CLCN1: variants seen among roughly 807,000 people sequenced by gnomAD.
The protein encoded by CLCN1 is chloride channel protein 1.
CLCN1 carries 100 observed loss-of-function variants against 114.5 expected under a neutral mutation model. The ratio of observed to expected loss-of-function variants is 0.87; its 90% confidence interval spans 0.74 to 1.03. The LOEUF is 1.03. Among genes scored for constraint, CLCN1 ranks in the 50% least tolerant of loss-of-function variants. The pLI is 0.00. For missense variants in CLCN1, 1,188 were observed against 1,250.0 expected, an observed-to-expected ratio of 0.95 and a Z score of 0.75; for synonymous variants, 485 against 487.1, an observed-to-expected ratio of 1.00 and a Z score of 0.06.
intron 15 of CLCN1, 37 bp from the exon 16 acceptor site, chr7:143,342,335 C>T (rs73172425): frequency 0.012 from 19,211 of 1,611,044 alleles, 163 homozygotes; most frequent in Non-Finnish European, 0.013. Context: ...GATAGGTATA[C>T]GGTGGGGCTA....
In CLCN1 at chr7:143,321,992, G is replaced by T. The variant is rs945238759; in HGVS notation, c.696+144G>T. On this transcript the variant is annotated intron_variant, in intron 5 of 22. Transcript: ENST00000343257. The surrounding 1 kb of genome is among the most constrained non-coding windows in gnomAD (Gnocchi z 4.2). ...CCAGGGGACACTAGGAAGGGGAAAT[G>T]CTTTGGAAGTTCCTCCAACTGAGGT... 4.2e-6 allele frequency: 4 copies of T among 950,152 alleles called. No individual in the cohort carries two copies. The highest frequency in any genetic ancestry group is 6.2e-6 in the Non-Finnish European group (4 of 649,480). The allele number at this position is 950,152 out of a possible 1,614,324, so 58.9% of individuals were successfully genotyped here.
Position 143,341,895 on chromosome 7 carries a change from C to T in CLCN1, c.1583-34C>T, listed in dbSNP as rs773805078. On this transcript the variant is annotated intron_variant, in intron 14 of 22. Coordinates refer to ENST00000343257, the MANE Select transcript of CLCN1 (RefSeq NM_000083.3). ...TGTCCTTCATGCTAAGAACGGTAGCCCTAACCTACAGGCGTATTCCTGTGT... is the reference window on the plus strand; with the variant it reads ...TGTCCTTCATGCTAAGAACGGTAGCTCTAACCTACAGGCGTATTCCTGTGT... The T allele has an allele frequency of 2.6e-6, 4 of 1,564,312 alleles. No homozygotes were observed. In the East Asian group the frequency reaches 6.7e-5, roughly 26 times the overall value.
Position 143,339,756 on chromosome 7 carries a change from T to G in CLCN1, c.1582+135T>G. On this transcript the variant is annotated intron_variant, in intron 14 of 22. Coordinates refer to ENST00000343257, the MANE Select transcript of CLCN1 (RefSeq NM_000083.3). This position sits in a 1 kb window ranked among gnomAD's most constrained non-coding sequence, Gnocchi z 4.1. ...TAGTGCTACTTAACTCAACTTTTAC[T>G]CAGATAACATACCCATGGCTCTGAC... The G allele has an allele frequency of 1.4e-6, 1 of 700,006 alleles. No homozygotes were observed. Among genetic ancestry groups the G allele is most frequent in the Non-Finnish European group, 2.6e-6 (1 of 383,292 alleles). 43.4% of individuals were successfully genotyped at this position (700,006 alleles called of 1,614,324 possible).
rs1802523417 is a variant in CLCN1 at position 143,324,281 on chromosome 7, A to T, written c.775-133A>T. 4.5e-5 allele frequency: 33 copies of T among 738,768 alleles called. No homozygotes were observed. Among genetic ancestry groups the T allele is most frequent in the South Asian group, 4.1e-4 (28 of 68,992 alleles). 45.8% of individuals were successfully genotyped at this position (738,768 alleles called of 1,614,324 possible). A position where few individuals can be genotyped will look rare whatever the true frequency, so the allele number is the denominator to read the frequency against. ...TCTCTTGGCCTGGGAATCACAGGGG[A>T]CATGGGACCACAAGGACTCCTTTTG... On this transcript the variant is annotated intron_variant, in intron 6 of 22. Coordinates refer to ENST00000343257, the MANE Select transcript of CLCN1 (RefSeq NM_000083.3). This position sits in a 1 kb window ranked among gnomAD's most constrained non-coding sequence, Gnocchi z 4.6.
rs749024283 is a variant in CLCN1, at chr7:143,346,580, T to G, written c.2286T>G (p.Gly762=). 1.2e-6 allele frequency: 2 copies of G among 1,613,142 alleles called. No individual in the cohort carries two copies. Among genetic ancestry groups the G allele is most frequent in the South Asian group, 2.2e-5 (2 of 91,066 alleles). The part of the protein sequence containing the change: ...KQQPEAPEPA[G]QRPSIFQSLL... ...CCATCCACTCACCTGTCCTCTCAGGTCAAAGACCCTCCATCTTCCAGTCCC... is the reference window on the plus strand; with the variant it reads ...CCATCCACTCACCTGTCCTCTCAGGGCAAAGACCCTCCATCTTCCAGTCCC... The change falls in exon 19 of 23, where the codon GGT becomes GGG. Residue 762 remains glycine (G), a splice_region_variant and synonymous_variant. Transcript: ENST00000343257.
rs932535106 is a variant in CLCN1 at position 143,329,470 on chromosome 7, C to T, written c.854-1302C>T. Among the ~76,000 whole-genome samples, 6 of 152,316 alleles carry T rather than the reference C, an allele frequency of 3.9e-5. No individual in the cohort carries two copies. The South Asian group carries it at 1.2e-3, about 32-fold the overall frequency. On this transcript the variant is annotated intron_variant, in intron 7 of 22. Transcript: ENST00000343257. ...GAAATCCTCTGCCAAACTGTAGCAG[C>T]TGCTGCATTTGGGAGTAACCATTAG...
chr7:143,350,961 A>T lies in CLCN1; in HGVS notation c.2595+307A>T, dbSNP rs559728423. Among the ~76,000 whole-genome samples the T allele has an allele frequency of 6.6e-6, 1 of 152,136 alleles. No homozygotes were observed. The highest frequency in any genetic ancestry group is 1.5e-5 in the Non-Finnish European group (1 of 68,026). ...CCCGCTAATTTTTTGTATTTTTAGT[A>T]GAGACGGGGTTTTGCCATGTTGGGC... On this transcript the variant is annotated intron_variant, in intron 22 of 22. Transcript: ENST00000343257. This position sits in a 1 kb window ranked among gnomAD's most constrained non-coding sequence, Gnocchi z 5.1.
At chr7:143,336,886 G>T (rs919747937) in intron 12 of CLCN1, among the ~76,000 whole-genome samples, 1 of 152,030 alleles carries the variant, frequency 6.6e-6, no homozygotes, top group African/African-American at 2.4e-5. Context: ...CAGACCTATT[G>T]GTTACCTGTT....
intron 16 of CLCN1, 69 bp downstream of exon 16, chr7:143,342,574 G>A: frequency 6.4e-7 from 1 of 1,554,584 alleles, no homozygotes; most frequent in Non-Finnish European, 8.9e-7. Flanking sequence ...AGGTAGAGGA[G>A]GCCCCATGGT....
chr7:143,323,270 T>G (rs1308101472), intron 5 of CLCN1, 39 bp from the exon 6 acceptor site: 1 of 1,069,850 alleles, frequency 9.3e-7, no homozygotes. Flanking sequence ...AGCCTCCATC[T>G]GGCCTCTGAC....
intron 12 of CLCN1, among the ~76,000 whole-genome samples, chr7:143,333,221 A>G (rs1373239692): frequency 6.6e-6 from 1 of 152,090 alleles, no homozygotes; most frequent in Non-Finnish European, 1.5e-5. Context: ...GAATCACTTG[A>G]ACCTGGGAAG....
chr7:143,317,093 G>A (rs79782083), intron 1 of CLCN1, among the ~76,000 whole-genome samples: 4,698 of 152,192 alleles, frequency 0.031, 250 homozygotes, highest in African/African-American at 0.11. Flanking sequence ...ACCTAGGAAA[G>A]GGGGAATGGG....
intron 20 of CLCN1, among the ~76,000 whole-genome samples, chr7:143,349,812 C>G (rs138161782): frequency 1.3e-5 from 2 of 152,180 alleles, no homozygotes; most frequent in African/African-American, 2.4e-5. Context: ...GATGCCAATA[C>G]AGCAGGAAGT....
At chr7:143,320,942 C>T (rs1371062527) in intron 3 of CLCN1, 147 bp downstream of exon 3, 14 of 929,584 alleles carry the variant, frequency 1.5e-5, no homozygotes, top group Non-Finnish European at 2.4e-5. Flanking sequence ...GACTCCAGGC[C>T]CAGAAAAGAC....
intron 1 of CLCN1, among the ~76,000 whole-genome samples, chr7:143,318,379 T>G (rs541738879): frequency 9.2e-5 from 14 of 152,108 alleles, no homozygotes; most frequent in African/African-American, 3.4e-4. Flanking sequence ...TGCGCCACCA[T>G]GCCTGGCTAA....
In CLCN1 at chr7:143,350,369, C is replaced by A; in HGVS notation, c.2404-3C>A. The stretch of plus-strand genomic sequence containing the variant: ...TTCGTGACTTTCCTCCTCTGGCTGA[C>A]AGATTGAGGCCTGGGAGCAGGAGCA... On this transcript the variant is annotated splice_polypyrimidine_tract_variant and splice_region_variant and intron_variant, in intron 20 of 22. Transcript: ENST00000343257. The surrounding 1 kb of genome is among the most constrained non-coding windows in gnomAD (Gnocchi z 5.1). 1.9e-6 allele frequency: 3 copies of A among 1,613,070 alleles called. No individual in the cohort carries two copies. In the South Asian group the frequency reaches 3.3e-5, roughly 18 times the overall value.
At chr7:143,340,558 C>G (rs751666039) in intron 14 of CLCN1, among the ~76,000 whole-genome samples, 12 of 151,866 alleles carry the variant, frequency 7.9e-5, no homozygotes, top group Non-Finnish European at 1.5e-4. Flanking sequence ...TCTTTTATTT[C>G]CAGAGTCTTG....
At position 143,346,654 on chromosome 7, in the gene CLCN1, C is replaced by T. The variant is rs1803257582; in HGVS notation, c.2360C>T (p.Thr787Ile). Residue 787 changes from threonine (T) to isoleucine (I), a missense_variant, in exon 19 of 23, where the codon ACC (threonine) becomes ATC (isoleucine). Physicochemically the swap from Thr to Ile is moderately conservative, Grantham distance 89. Coordinates refer to ENST00000343257, the MANE Select transcript of CLCN1 (RefSeq NM_000083.3). ...GCTCGCCCCACAAAGAAGAAAACAA[C>T]CCAGGTGAGAGGAGATGTGTTTGGG... is the stretch of plus-strand genomic sequence containing the variant. ...GRARPTKKKT[T>I]QDSTDLVDNM... The T allele has an allele frequency of 6.2e-7, 1 of 1,612,152 alleles. No individual in the cohort carries two copies. Among genetic ancestry groups the T allele is most frequent in the Non-Finnish European group, 8.5e-7 (1 of 1,178,602 alleles).
In CLCN1 at chr7:143,345,519, A is replaced by C. The variant is rs1467671373; in HGVS notation, c.1931-2A>C. 6.5e-7 allele frequency: 1 copy of C among 1,531,744 alleles called. No individual in the cohort carries two copies. Among genetic ancestry groups the C allele is most frequent in the Non-Finnish European group, 8.8e-7 (1 of 1,134,016 alleles). 94.9% of individuals were successfully genotyped at this position (1,531,744 alleles called of 1,614,324 possible). A position where few individuals can be genotyped will look rare whatever the true frequency, so the allele number is the denominator to read the frequency against. ...CTCAGGCAGGGCGTGGGTTTCCCTC[A>C]GATTCAATGATCCTGCTGGGCTCGG... On this transcript the variant is annotated splice_acceptor_variant, in intron 16 of 22. Transcript: ENST00000343257. LOFTEE classifies it high-confidence loss of function.
Sources: allele counts gnomAD v4.1 joint callset (sites outside exome capture counted in the v4.1 genomes callset), GRCh38; gene constraint gnomAD v4.1.1; non-coding constraint Gnocchi (gnomAD v3.1); transcripts MANE v1.5; gene names NCBI Gene and HGNC (gene_info 2026-07-23, HGNC 2026-07-21).